Variants in EFHC2 observed in about 807,000 individuals in gnomAD.
EFHC2 encodes EF-hand domain-containing family member C2.
A neutral mutation model predicts 52.7 loss-of-function variants in EFHC2; 18 were observed. The ratio of observed to expected loss-of-function variants is 0.34; its 90% CI spans 0.24 to 0.51. The LOEUF (loss-of-function observed/expected upper bound fraction) is 0.51, where lower values mean the gene tolerates loss of function less well. Ranked by LOEUF, EFHC2 falls within the 20% of genes least tolerant of loss-of-function variation. The pLI, the probability that EFHC2 is intolerant of heterozygous loss-of-function variation, is 0.97. For missense variants in EFHC2, 513 were observed against 562.5 expected (o/e 0.91, Z 0.89); for synonymous variants, 203 against 204.1 (o/e 0.99, Z 0.04).
intron 4 of EFHC2, among the ~76,000 whole-genome samples, chrX:44,253,412 T>C (rs1219738572): frequency 1.8e-5 from 2 of 110,989 alleles, no homozygotes; most frequent in African/African-American, 6.6e-5. Context: ...CTGAAGTCGA[T>C]CTGGGACGCT....
chrX:44,169,751 A>ACT (rs915346453), intron 13 of EFHC2, among the ~76,000 whole-genome samples: 12 of 108,416 alleles, frequency 1.1e-4, no homozygotes, highest in African/African-American at 2.3e-4. Context: ...ACACATACAC[A>ACT]CTCTCTCTCT....
chrX:44,214,464 A>C (rs555679130), intron 11 of EFHC2, among the ~76,000 whole-genome samples: 1 of 112,478 alleles, frequency 8.9e-6, no homozygotes, highest in Admixed American at 9.4e-5. Flanking sequence ...ACACTGAAAT[A>C]TTTAAAGTGT....
intron 11 of EFHC2, among the ~76,000 whole-genome samples, chrX:44,185,682 G>A (rs1431022744): frequency 9.1e-6 from 1 of 110,337 alleles, no homozygotes; most frequent in Non-Finnish European, 1.9e-5. Flanking sequence ...CTCCACAGGT[G>A]TGCACTACCA....
At chrX:44,184,181 T>C (rs942346481) in intron 11 of EFHC2, among the ~76,000 whole-genome samples, 10 of 111,963 alleles carry the variant, frequency 8.9e-5, no homozygotes, top group African/African-American at 2.6e-4. Context: ...TGACATGATC[T>C]GGCCCCTCCT....
intron 14 of EFHC2, among the ~76,000 whole-genome samples, chrX:44,161,988 TC>T (rs1265320413): frequency 8.9e-6 from 1 of 112,067 alleles, no homozygotes; most frequent in Admixed American, 9.5e-5. Context: ...TTCCCTAACT[TC>T]CTCATCTCTA....
chrX:44,163,522 G>A (rs1266881049), intron 14 of EFHC2, among the ~76,000 whole-genome samples: 2 of 111,790 alleles, frequency 1.8e-5, no homozygotes, highest in African/African-American at 6.5e-5. Flanking sequence ...GCAAACCTGT[G>A]TGCACAGCCG....
At chrX:44,232,376 A>G in intron 10 of EFHC2, 105 bp downstream of exon 10, 1 of 600,372 alleles carries the variant, frequency 1.7e-6, no homozygotes, top group Non-Finnish European at 2.4e-6. Flanking sequence ...TGAATGCACA[A>G]TGTACAACTG....
At chrX:44,186,943 C>A (rs2036879829) in intron 11 of EFHC2, among the ~76,000 whole-genome samples, 1 of 107,341 alleles carries the variant, frequency 9.3e-6, no homozygotes, top group Admixed American at 1.0e-4. Flanking sequence ...CCTAATGAGA[C>A]TCCATCTCTA....
chrX:44,215,489 C>G (rs1244907131), intron 11 of EFHC2, among the ~76,000 whole-genome samples: 1 of 102,539 alleles, frequency 9.8e-6, no homozygotes, highest in African/African-American at 3.6e-5. Flanking sequence ...TCAAGACATT[C>G]AACTCCTATG....
At chrX:44,232,064 T>C (rs1208766137) in intron 10 of EFHC2, among the ~76,000 whole-genome samples, 1 of 113,009 alleles carries the variant, frequency 8.8e-6, no homozygotes, top group Non-Finnish European at 1.9e-5. Flanking sequence ...TTGAGGTTTC[T>C]GTTTGTTCAG....
chrX:44,277,238 G>T (rs916491209), intron 2 of EFHC2, among the ~76,000 whole-genome samples: 2 of 84,875 alleles, frequency 2.4e-5, no homozygotes, highest in South Asian at 1.2e-3. Flanking sequence ...CAGCCTGGGC[G>T]ACAGAGCGAG....
At chrX:44,239,169 A>G (rs746213643) in intron 8 of EFHC2, among the ~76,000 whole-genome samples, 1 of 112,305 alleles carries the variant, frequency 8.9e-6, no homozygotes, top group East Asian at 2.8e-4. Flanking sequence ...TGGGGACAGC[A>G]GATGGACAAT....
intron 14 of EFHC2, among the ~76,000 whole-genome samples, chrX:44,149,650 G>A (rs1367435988): frequency 9.0e-6 from 1 of 111,203 alleles, no homozygotes; most frequent in Non-Finnish European, 1.9e-5. Context: ...CGAGTAGCTG[G>A]GATTACAGGC....
chrX:44,256,333 A>G (rs2037491341), intron 4 of EFHC2, among the ~76,000 whole-genome samples: 1 of 111,695 alleles, frequency 9.0e-6, no homozygotes, highest in Non-Finnish European at 1.9e-5. Flanking sequence ...AACCCTTCAA[A>G]AAATCAAAGA....
chrX:44,290,163 T>C (rs560266355), intron 2 of EFHC2, among the ~76,000 whole-genome samples: 3 of 111,861 alleles, frequency 2.7e-5, no homozygotes, highest in Admixed American at 9.5e-5. Flanking sequence ...TCTTTTTCCA[T>C]TGCATTTCAG....
chrX:44,286,875 C>G (rs1429986711), intron 2 of EFHC2, among the ~76,000 whole-genome samples: 1 of 102,151 alleles, frequency 9.8e-6, no homozygotes, highest in Non-Finnish European at 2.0e-5. Flanking sequence ...AACAACAAAA[C>G]AACAGCCGGG....
At chrX:44,323,158 A>G (rs1391815029) in intron 1 of EFHC2, among the ~76,000 whole-genome samples, 1 of 112,500 alleles carries the variant, frequency 8.9e-6, no homozygotes, top group Admixed American at 9.4e-5. Flanking sequence ...TACATAAATT[A>G]TGTGATCTTC....
rs766614877 is a variant in EFHC2, at chrX:44,338,324, G to A, written c.42+5223C>T. ...CCAGTCTGGACAATACAGTGAGACC[G>A]CATCTCTACAAATAATAATTTAAAA... On this transcript the variant is annotated intron_variant, in intron 1 of 14. Transcript: ENST00000420999. Among the ~76,000 whole-genome samples, 21 of 104,778 alleles carry A rather than the reference G, an allele frequency of 2.0e-4. No individual in the cohort carries two copies. The East Asian group carries it at 5.4e-3, about 27-fold the overall frequency. The allele number at this position is 104,778 out of a possible 115,157, so 91.0% of individuals were successfully genotyped here. A position where few individuals can be genotyped will look rare whatever the true frequency, so the allele number is the denominator to read the frequency against.
intron 11 of EFHC2, among the ~76,000 whole-genome samples, chrX:44,218,643 T>C (rs183851255): frequency 1.3e-4 from 15 of 112,159 alleles, no homozygotes; most frequent in Admixed American, 6.6e-4. Flanking sequence ...GAGGGAAACA[T>C]AGGAGACTAT....
Sources: allele counts gnomAD v4.1 joint callset (sites outside exome capture counted in the v4.1 genomes callset), GRCh38; gene constraint gnomAD v4.1.1; transcripts MANE v1.5; gene names NCBI Gene and HGNC (gene_info 2026-07-23, HGNC 2026-07-21).